DDC: variants seen among roughly 807,000 people sequenced by gnomAD.
DDC encodes the protein dopa decarboxylase, also known as aromatic-L-amino-acid decarboxylase.
Under a neutral mutation model 60.0 loss-of-function variants are expected in DDC, and 43 were observed. The observed-to-expected ratio is 0.72, with a 90% CI of 0.56 to 0.92. The LOEUF is 0.92. Among genes scored for constraint, DDC ranks in the 40% least tolerant of loss-of-function variants. The pLI is 0.00. For missense variants in DDC, 573 were observed against 620.2 expected (o/e 0.92, Z 0.81); for synonymous variants, 232 against 234.6 (o/e 0.99, Z 0.10).
chr7:50,490,883 A>G (rs1407369215), intron 9 of DDC, among the ~76,000 whole-genome samples: 1 of 152,256 alleles, frequency 6.6e-6, no homozygotes, highest in Non-Finnish European at 1.5e-5. Flanking sequence ...TTACAAATAA[A>G]TTGGCCCTAT....
intron 6 of DDC, among the ~76,000 whole-genome samples, chr7:50,513,543 T>C (rs2043643988): frequency 1.3e-5 from 2 of 152,262 alleles, no homozygotes; most frequent in South Asian, 4.1e-4. Flanking sequence ...AACCAAGCCC[T>C]TTTCTTTCAT....
intron 10 of DDC, chr7:50,477,445 G>A: frequency 2.3e-6 from 1 of 442,710 alleles, no homozygotes; most frequent in Non-Finnish European, 4.5e-6. Flanking sequence ...GCACATCAGT[G>A]TCCCCTACTT....
chr7:50,475,221 C>T lies in DDC; in HGVS notation c.1041+1403G>A, dbSNP rs147855011. Among the ~76,000 whole-genome samples, 65 of 152,252 alleles carry T rather than the reference C, an allele frequency of 4.3e-4. No homozygotes were observed. In the East Asian group the frequency reaches 0.01, roughly 23 times the overall value. ...GACAGAAACACAGGCCACAGAGGCG[C>T]GAGGATGAAAGGTCAGGGTGAGCTG... On this transcript the variant is annotated intron_variant, in intron 11 of 14. Coordinates refer to ENST00000444124, the MANE Select transcript of DDC (RefSeq NM_001082971.2).
chr7:50,463,296 C>G lies in DDC; in HGVS notation c.1378G>C (p.Val460Leu). ...ICSRTVESAH[V>L]QRAWEHIKEL... is the part of the protein sequence containing the mutation. ...TTGATGTGTTCCCAGGCCCGCTGCACATGGGCAGATTCCACCGTGCGAGAA... is the reference window on the plus strand; with the variant it reads ...TTGATGTGTTCCCAGGCCCGCTGCAGATGGGCAGATTCCACCGTGCGAGAA... Residue 460 changes from valine (V) to leucine (L), a missense_variant, in exon 14 of 15, where the codon GTG becomes CTG. Transcript: ENST00000444124. 1 of 1,614,260 alleles carries G rather than the reference C, an allele frequency of 6.2e-7. No individual in the cohort carries two copies. Among genetic ancestry groups the G allele is most frequent in the Non-Finnish European group, 8.5e-7 (1 of 1,180,046 alleles).
chr7:50,468,682 C>T (rs936936669), intron 12 of DDC, among the ~76,000 whole-genome samples: 7 of 152,210 alleles, frequency 4.6e-5, no homozygotes, highest in African/African-American at 1.4e-4. Context: ...GGACACCTGC[C>T]CCTGCACACC....
intron 9 of DDC, among the ~76,000 whole-genome samples, chr7:50,489,340 A>C (rs2042951120): frequency 6.6e-6 from 1 of 152,146 alleles, no homozygotes; most frequent in Non-Finnish European, 1.5e-5. Context: ...ATTATTCTCT[A>C]AATTCTTCTA....
chr7:50,546,541 G>A (rs1400662028), intron 1 of DDC, among the ~76,000 whole-genome samples: 1 of 152,192 alleles, frequency 6.6e-6, no homozygotes, highest in African/African-American at 2.4e-5. Flanking sequence ...AGGAGACTTG[G>A]CTAAGCTCTT....
intron 10 of DDC, among the ~76,000 whole-genome samples, chr7:50,477,094 C>T (rs2042663274): frequency 6.6e-6 from 1 of 152,194 alleles, no homozygotes; most frequent in African/African-American, 2.4e-5. Context: ...ATCCGTGGAT[C>T]TTAGCAGATC....
intron 11 of DDC, among the ~76,000 whole-genome samples, chr7:50,475,905 G>A (rs577247116): frequency 1.3e-5 from 2 of 152,012 alleles, no homozygotes; most frequent in Non-Finnish European, 2.9e-5. Flanking sequence ...GGCCAGGCTG[G>A]TCTCGAAGAC....
intron 1 of DDC, among the ~76,000 whole-genome samples, chr7:50,560,013 G>C (rs745733552): frequency 5.3e-5 from 8 of 152,174 alleles, no homozygotes; most frequent in Non-Finnish European, 1.2e-4. Flanking sequence ...TGCTGAGAAT[G>C]GCTTGATTTT....
At chr7:50,524,581 A>C (rs1485270292) in intron 6 of DDC, among the ~76,000 whole-genome samples, 1 of 152,252 alleles carries the variant, frequency 6.6e-6, no homozygotes, top group Non-Finnish European at 1.5e-5. Flanking sequence ...GATGTTCATT[A>C]GTTATCAGGG....
At chr7:50,477,874 C>A (rs1184972471) in intron 10 of DDC, among the ~76,000 whole-genome samples, 1 of 152,152 alleles carries the variant, frequency 6.6e-6, no homozygotes, top group East Asian at 1.9e-4. Flanking sequence ...GAAACAACAA[C>A]ACTCAACAGA....
At chr7:50,469,314 C>T (rs761108173) in intron 12 of DDC, among the ~76,000 whole-genome samples, 6 of 148,138 alleles carry the variant, frequency 4.1e-5, no homozygotes, top group Non-Finnish European at 5.9e-5. Flanking sequence ...AAGTGGTTCT[C>T]AAATTTTAGT....
intron 11 of DDC, among the ~76,000 whole-genome samples, chr7:50,475,111 A>G (rs779786133): frequency 7.9e-5 from 12 of 152,210 alleles, no homozygotes; most frequent in Non-Finnish European, 1.8e-4. Flanking sequence ...TTTCAGTGCC[A>G]TGAGAACCAG....
chr7:50,557,200 G>A (rs1223759197), intron 1 of DDC, among the ~76,000 whole-genome samples: 1 of 152,192 alleles, frequency 6.6e-6, no homozygotes, highest in African/African-American at 2.4e-5. Flanking sequence ...GCTTTGTGCA[G>A]CTGTTTCTTA....
intron 12 of DDC, among the ~76,000 whole-genome samples, chr7:50,468,380 G>A (rs1446523368): frequency 6.6e-6 from 1 of 152,234 alleles, no homozygotes; most frequent in Non-Finnish European, 1.5e-5. Flanking sequence ...TTGTCCTTGA[G>A]CTTAAAGACG....
intron 9 of DDC, among the ~76,000 whole-genome samples, chr7:50,489,539 C>T (rs2042956385): frequency 6.6e-6 from 1 of 152,168 alleles, no homozygotes; most frequent in South Asian, 2.1e-4. Context: ...CCAGCTAAAT[C>T]TTAAACACTG....
intron 6 of DDC, among the ~76,000 whole-genome samples, chr7:50,519,789 G>A (rs1255031047): frequency 1.3e-5 from 2 of 152,092 alleles, no homozygotes; most frequent in Non-Finnish European, 2.9e-5. Context: ...GTGGTGCAGT[G>A]TATACTGCTC....
At chr7:50,492,685 T>TAAACTCTG in intron 9 of DDC, 6 of 1,217,600 alleles carry the variant, frequency 4.9e-6, no homozygotes, top group Middle Eastern at 3.1e-4. Context: ...TACAAGGAAA[T>TAAACTCTG]TTTCCAAATG....
Sources: allele counts gnomAD v4.1 joint callset (sites outside exome capture counted in the v4.1 genomes callset), GRCh38; gene constraint gnomAD v4.1.1; transcripts MANE v1.5; gene names NCBI Gene and HGNC (gene_info 2026-07-23, HGNC 2026-07-21).